MUTYH: variants seen among roughly 807,000 people sequenced by gnomAD.
The protein encoded by MUTYH is mutY DNA glycosylase.
A neutral mutation model predicts 72.9 loss-of-function variants in MUTYH; 64 were observed. The observed-to-expected ratio is 0.88, with a 90% CI of 0.72 to 1.08. MUTYH has a LOEUF of 1.08. MUTYH is among the 50% of genes least tolerant of loss of function. The pLI is 0.00. For synonymous variants in MUTYH, 234 were observed against 263.1 expected, an observed-to-expected ratio of 0.89 and a Z score of 1.07; for missense variants, 633 against 671.0, an observed-to-expected ratio of 0.94 and a Z score of 0.63.
At chr1:45,340,299 C>G (rs771315699), upstream of MUTYH, 6 of 1,612,976 alleles carry the variant, frequency 3.7e-6, no homozygotes. Flanking sequence ...CCCGCAGCTT[C>G]CGACGGTGAG....
intron 1 of MUTYH, chr1:45,338,109 A>T (rs191837365): frequency 6.0e-6 from 3 of 499,868 alleles, no homozygotes; most frequent in Admixed American, 4.6e-5. Context: ...GTTAGAATGG[A>T]ATGAGATGGG....
intron 15 of MUTYH, chr1:45,329,970 C>T (rs1210153120): frequency 6.6e-6 from 1 of 152,058 alleles, no homozygotes; most frequent in Admixed American, 6.4e-5. Context: ...TGGTGGCTCA[C>T]GCCTGTAATC....
chr1:45,330,678 G>GC, intron 14 of MUTYH, 121 bp from the exon 15 acceptor site: 1 of 1,209,066 alleles, frequency 8.3e-7, no homozygotes, highest in Non-Finnish European at 1.2e-6. Flanking sequence ...GGCCAGGCAT[G>GC]GTGGCTCACG....
intron 1 of MUTYH, chr1:45,338,057 G>C (rs141502023): frequency 0.024 from 11,400 of 473,826 alleles, 195 homozygotes; most frequent in Non-Finnish European, 0.036. Flanking sequence ...GCCCCAAGGA[G>C]GGTGCCTGGT....
At chr1:45,338,462 C>T (rs907431295) in intron 1 of MUTYH, 1 of 381,354 alleles carries the variant, frequency 2.6e-6, no homozygotes, top group African/African-American at 2.0e-5. Context: ...CAAATCAGGT[C>T]CCCTCATCTT....
rs147923905 is a variant in MUTYH, at chr1:45,329,368, C to A, written c.1504G>T (p.Asp502Tyr). Residue 502 changes from aspartate (D) to tyrosine (Y), a missense_variant, in exon 16 of 16, where the codon GAT (aspartate) becomes TAT (tyrosine). Transcript: ENST00000456914. ...GAGATGTGAGACCGAAAGAAATTATCCAGGACTTGCTGGCCCATGCGGGGC... is the reference window on the plus strand; with the variant it reads ...GAGATGTGAGACCGAAAGAAATTATACAGGACTTGCTGGCCCATGCGGGGC... ...KKPRMGQQVL[D>Y]NFFRSHISTD... is the part of the protein sequence containing the mutation. The A allele has an allele frequency of 9.3e-5, 150 of 1,614,192 alleles. No individual in the cohort carries two copies. Among genetic ancestry groups the A allele is most frequent in the Non-Finnish European group, 1.2e-4 (142 of 1,180,040 alleles).
rs1476095647 is a variant in MUTYH at position 45,334,396 on chromosome 1, C to T, written c.110G>A (p.Cys37Tyr). 1.9e-6 allele frequency: 3 copies of T among 1,614,136 alleles called. No individual in the cohort carries two copies. In the South Asian group the frequency reaches 3.3e-5, roughly 18 times the overall value. ...GCCACAACCTAGTTCCTTACCATCA[C>T]AGGCAGAAGGCTTGGCCTGACTGTT... Reference protein sequence around the residue: ...KNNSQAKPSACDGLARQPEEV... With the variant: ...KNNSQAKPSAYDGLARQPEEV... Residue 37 changes from cysteine (C) to tyrosine (Y), a missense_variant, in exon 2 of 16, where the codon TGT becomes TAT. Cys to Tyr is a radical substitution (Grantham distance 194). Transcript: ENST00000456914.
At chr1:45,336,007 C>T (rs1645828071) in intron 1 of MUTYH, among the ~76,000 whole-genome samples, 1 of 152,148 alleles carries the variant, frequency 6.6e-6, no homozygotes, top group South Asian at 2.1e-4. Flanking sequence ...TTCTTCCCCT[C>T]CCAATAAGAC....
chr1:45,332,793 A>G lies in MUTYH; in HGVS notation c.462T>C (p.Arg154=), dbSNP rs754912875. 1 of 1,614,106 alleles carries G rather than the reference A, an allele frequency of 6.2e-7. No homozygotes were observed. The highest frequency in any genetic ancestry group is 1.1e-5 in the South Asian group (1 of 91,078). ...GAGCTCCCTCCTGCAGCCGCCGGCC[A>G]CGAGAATAGTAGCCCAGGCCAGCCC... The part of the protein sequence containing the change: ...QLWAGLGYYS[R]GRRLQEGARK... The change falls in exon 7 of 16, where the codon CGT becomes CGC. Residue 154 remains arginine, a synonymous_variant. Transcript: ENST00000456914.
rs1570396086 is a variant in MUTYH at position 45,332,086 on chromosome 1, C to T, written c.850G>A (p.Val284Met). ...GAGGCTAAGAGCTGTTCCTGCTCCA[C>T]CTGAGAGGCACAGGGTTGAGTGTCA... ...VESLCRARQR[V>M]EQEQLLASGS... The change falls in exon 11 of 16, where the codon GTG (valine) becomes ATG (methionine). Residue 284 changes from valine to methionine, a missense_variant and splice_region_variant. By Grantham distance (21) the Val-to-Met change is conservative. Transcript: ENST00000456914. The T allele has an allele frequency of 3.1e-6, 5 of 1,614,214 alleles. No homozygotes were observed. The highest frequency in any genetic ancestry group is 4.2e-6 in the Non-Finnish European group (5 of 1,180,034).
intron 1 of MUTYH, chr1:45,338,711 G>A (rs1386763996): frequency 5.7e-6 from 1 of 175,808 alleles, no homozygotes; most frequent in Non-Finnish European, 1.2e-5. Context: ...CCTTTTTTAG[G>A]ATAGGAGAAA....
Position 45,334,492 on chromosome 1 carries a change from C to T in MUTYH, c.14G>A (p.Arg5Gln), listed in dbSNP as rs587780081. Residue 5 changes from arginine (R) to glutamine (Q), a missense_variant, in exon 2 of 16, where the codon CGA (arginine) becomes CAA (glutamine). Coordinates refer to ENST00000456914, the MANE Select transcript of MUTYH (RefSeq NM_001048174.2). ...CCTGTGACCACTTCCCACGGCTGCT[C>T]GTGGCTTCCTCATGATGGCCTGAAA... MRKP[R>Q]AAVGSGHRKQ... 33 of 1,613,966 alleles carry T rather than the reference C, an allele frequency of 2.0e-5. No individual in the cohort carries two copies. Among genetic ancestry groups the T allele is most frequent in the Middle Eastern group, 1.6e-4 (1 of 6,084 alleles).
upstream of MUTYH, chr1:45,340,116 C>T (rs531082101): frequency 8.2e-4 from 1,278 of 1,561,738 alleles, no homozygotes; most frequent in Non-Finnish European, 1.1e-3. Context: ...GGACCCGGGA[C>T]GTCTGAACGG....
intron 2 of MUTYH, chr1:45,334,189 A>G (rs1645507026): frequency 4.5e-6 from 3 of 660,598 alleles, no homozygotes; most frequent in African/African-American, 1.8e-5. Context: ...GGATTTCGCC[A>G]TGTTACCCAA....
intron 1 of MUTYH, among the ~76,000 whole-genome samples, chr1:45,339,205 ATTTTTT>A (rs60609540): frequency 3.4e-5 from 4 of 118,204 alleles, no homozygotes; most frequent in African/African-American, 6.8e-5. Context: ...TCCAATAGGA[ATTTTTT>A]TTTTTTTTTT....
intron 1 of MUTYH, among the ~76,000 whole-genome samples, chr1:45,335,210 A>G (rs1306879577): frequency 6.6e-6 from 1 of 152,184 alleles, no homozygotes; most frequent in Non-Finnish European, 1.5e-5. Context: ...GTCAGACCCC[A>G]TGAAGAGCTT....
intron 4 of MUTYH, 41 bp from the exon 5 acceptor site, chr1:45,333,211 C>T (rs1375719756): frequency 1.2e-6 from 2 of 1,613,970 alleles, no homozygotes; most frequent in African/African-American, 1.3e-5. Context: ...GCTGACCTGC[C>T]CCTACCTGGC....
At position 45,334,398 on chromosome 1, in the gene MUTYH, G is replaced by A. The variant is rs1272632650; in HGVS notation, c.108C>T (p.Ala36=). 1 of 1,614,084 alleles carries A rather than the reference G, an allele frequency of 6.2e-7. No homozygotes were observed. The highest frequency in any genetic ancestry group is 8.5e-7 in the Non-Finnish European group (1 of 1,180,018). ...AKNNSQAKPS[A]CDGLARQPEE... ...CACAACCTAGTTCCTTACCATCACA[G>A]GCAGAAGGCTTGGCCTGACTGTTGT... Residue 36 remains alanine (A), a synonymous_variant, in exon 2 of 16, where the codon GCC becomes GCT. Transcript: ENST00000456914.
chr1:45,332,884 G>C (rs556365985), intron 6 of MUTYH, 34 bp downstream of exon 6: 3 of 1,613,916 alleles, frequency 1.9e-6, no homozygotes, highest in African/African-American at 2.7e-5. Context: ...TCCCTCTATT[G>C]TTCCTATTTC....
Sources: allele counts gnomAD v4.1 joint callset (sites outside exome capture counted in the v4.1 genomes callset), GRCh38; gene constraint gnomAD v4.1.1; transcripts MANE v1.5; gene names NCBI Gene and HGNC (gene_info 2026-07-23, HGNC 2026-07-21).